KCNB2: variants seen among roughly 807,000 people sequenced by gnomAD.
KCNB2 encodes potassium voltage-gated channel subfamily B member 2, also known as delayed rectifier potassium channel protein.
In KCNB2, 15 loss-of-function variants were observed where a neutral mutation model predicts 61.5. That is an observed-to-expected ratio of 0.24 (90% CI 0.16 to 0.38). The LOEUF is 0.38. Among genes scored for constraint, KCNB2 ranks in the 10% least tolerant of loss-of-function variants. The pLI, the probability that KCNB2 is intolerant of heterozygous loss-of-function variation, is 1.00. For missense variants in KCNB2, 828 were observed against 1,125.2 expected, an observed-to-expected ratio of 0.74 and a Z score of 3.78; for synonymous variants, 457 against 446.0, an observed-to-expected ratio of 1.02 and a Z score of -0.31.
Position 72,937,012 on chromosome 8 carries a change from C to A in KCNB2, c.1657C>A (p.His553Asn). Residue 553 changes from histidine to asparagine, a missense_variant, in exon 3 of 3, where the codon CAT becomes AAT. By Grantham distance (68) the His-to-Asn change is moderately conservative (BLOSUM62 1). Transcript: ENST00000523207. Reference protein sequence around the residue: ...LYNEITKTQPHSHPNPDCQEK... With the variant: ...LYNEITKTQPNSHPNPDCQEK... ...CAATGAAATCACCAAGACACAGCCT[C>A]ATTCTCACCCAAACCCAGACTGCCA... 6.2e-7 allele frequency: 1 copy of A among 1,614,164 alleles called. No individual in the cohort carries two copies. The highest frequency in any genetic ancestry group is 8.5e-7 in the Non-Finnish European group (1 of 1,180,024).
intron 1 of KCNB2, among the ~76,000 whole-genome samples, chr8:72,557,225 A>AT (rs1806443635): frequency 1.3e-5 from 2 of 151,970 alleles, no homozygotes; most frequent in South Asian, 2.1e-4. Flanking sequence ...CCCTCACATG[A>AT]TTTTCCCATC....
rs1454500228 is a variant in KCNB2 at position 72,579,338 on chromosome 8, AT to A, written c.579+11029del. The stretch of plus-strand genomic sequence containing the variant: ...TTTTCATGAGTTGATGTCTACTTAA[AT>A]TTTCACAAAATTGAATATTGTAAGA... On this transcript the variant is annotated intron_variant, in intron 2 of 2. Transcript: ENST00000523207. Among the ~76,000 whole-genome samples, 36 of 152,096 alleles carry A rather than the reference AT, an allele frequency of 2.4e-4. 1 individual carries two copies. Among genetic ancestry groups the A allele is most frequent in the African/African-American group, 8.7e-4 (36 of 41,404 alleles).
intron 2 of KCNB2, among the ~76,000 whole-genome samples, chr8:72,748,186 T>C (rs1032287419): frequency 2.0e-5 from 3 of 152,232 alleles, no homozygotes; most frequent in African/African-American, 7.2e-5. Flanking sequence ...TAATTTTTAT[T>C]GTTATAACTT....
chr8:72,893,148 A>G (rs1805929033), intron 2 of KCNB2, among the ~76,000 whole-genome samples: 1 of 151,182 alleles, frequency 6.6e-6, no homozygotes, highest in Non-Finnish European at 1.5e-5. Context: ...ATGATTTGCT[A>G]TTTATGAAGA....
At chr8:72,615,291 G>A (rs1169989637) in intron 2 of KCNB2, among the ~76,000 whole-genome samples, 1 of 152,194 alleles carries the variant, frequency 6.6e-6, no homozygotes. Flanking sequence ...AAGATGTTGT[G>A]TGTGAAAGCA....
intron 2 of KCNB2, among the ~76,000 whole-genome samples, chr8:72,747,851 C>G (rs953129563): frequency 2.0e-5 from 3 of 152,156 alleles, no homozygotes; most frequent in Admixed American, 1.3e-4. Flanking sequence ...AAAGTTCAAA[C>G]CTAGATGATG....
chr8:72,816,879 A>T (rs923883036), intron 2 of KCNB2, among the ~76,000 whole-genome samples: 1 of 152,186 alleles, frequency 6.6e-6, no homozygotes, highest in African/African-American at 2.4e-5. Flanking sequence ...CAGATGTGGA[A>T]CTTCCAAAGC....
At chr8:72,857,096 A>G (rs564353330) in intron 2 of KCNB2, among the ~76,000 whole-genome samples, 3 of 152,226 alleles carry the variant, frequency 2.0e-5, no homozygotes, top group Non-Finnish European at 2.9e-5. Flanking sequence ...TGTTCAATGA[A>G]TATTTATTGA....
intron 2 of KCNB2, among the ~76,000 whole-genome samples, chr8:72,870,137 T>C (rs1805593219): frequency 6.6e-6 from 1 of 151,886 alleles, no homozygotes; most frequent in Admixed American, 6.6e-5. Context: ...GTTCCTAGAG[T>C]AGTCACATTC....
At chr8:72,806,028 C>T (rs1032260817) in intron 2 of KCNB2, among the ~76,000 whole-genome samples, 1 of 152,020 alleles carries the variant, frequency 6.6e-6, no homozygotes, top group African/African-American at 2.4e-5. Flanking sequence ...ACTTTGTAAC[C>T]CCCTATTGTT....
At chr8:72,709,179 G>T (rs1563566405) in intron 2 of KCNB2, among the ~76,000 whole-genome samples, 1 of 152,058 alleles carries the variant, frequency 6.6e-6, no homozygotes, top group Non-Finnish European at 1.5e-5. Context: ...TAGAAGAACA[G>T]AAATAAGATT....
intron 2 of KCNB2, among the ~76,000 whole-genome samples, chr8:72,883,208 G>A (rs1478099802): frequency 6.6e-6 from 1 of 152,162 alleles, no homozygotes; most frequent in Non-Finnish European, 1.5e-5. Context: ...CAGAACATCA[G>A]ATTTTAAAAA....
intron 2 of KCNB2, among the ~76,000 whole-genome samples, chr8:72,685,168 CCATATAGAAATGAATTTGTATT>C (rs1355594973): frequency 1.3e-5 from 2 of 151,964 alleles, no homozygotes; most frequent in Non-Finnish European, 2.9e-5. Context: ...CTGTGGCAGG[CCATATAGAAATGAATTTGTATT>C]CATATAGAAA....
At chr8:72,740,869 TGAATTATAAATTG>T in intron 2 of KCNB2, among the ~76,000 whole-genome samples, 1 of 152,164 alleles carries the variant, frequency 6.6e-6, no homozygotes, top group South Asian at 2.1e-4. Context: ...AAGAGAAAAA[TGAATTATAAATTG>T]TTCCATGGTT....
intron 2 of KCNB2, among the ~76,000 whole-genome samples, chr8:72,771,341 T>G (rs1808555916): frequency 6.6e-6 from 1 of 152,242 alleles, no homozygotes; most frequent in Admixed American, 6.5e-5. Flanking sequence ...TGCCTGCAGA[T>G]AAAGTGATTT....
intron 2 of KCNB2, among the ~76,000 whole-genome samples, chr8:72,868,333 A>C (rs1243524475): frequency 6.6e-6 from 1 of 151,766 alleles, no homozygotes; most frequent in Non-Finnish European, 1.5e-5. Flanking sequence ...TAATCCCAGC[A>C]CTTTGGGAGG....
chr8:72,679,420 G>A (rs1370853025), intron 2 of KCNB2, among the ~76,000 whole-genome samples: 1 of 152,120 alleles, frequency 6.6e-6, no homozygotes, highest in Non-Finnish European at 1.5e-5. Context: ...CTTGGTCTTG[G>A]TCCACAACAC....
intron 2 of KCNB2, among the ~76,000 whole-genome samples, chr8:72,920,491 G>A (rs1319190793): frequency 2.7e-5 from 1 of 37,328 alleles, no homozygotes; most frequent in Non-Finnish European, 8.1e-5. Context: ...ATATATATTA[G>A]CTGGCCATGG....
chr8:72,819,134 A>G (rs564202980), intron 2 of KCNB2, among the ~76,000 whole-genome samples: 1 of 152,250 alleles, frequency 6.6e-6, no homozygotes, highest in South Asian at 2.1e-4. Context: ...CGCCACAACC[A>G]CAAAACATCT....
Sources: gnomAD v4.1 joint callset for allele counts (sites outside exome capture counted in the v4.1 genomes callset) on GRCh38, gnomAD v4.1.1 for gene constraint, MANE v1.5 for transcripts, NCBI Gene and HGNC (gene_info 2026-07-23, HGNC 2026-07-21) for gene names.